The following PALM2AKAP2 variants were observed in gnomAD, a reference collection of about 807,000 sequenced individuals.
PALM2AKAP2 encodes PALM2-AKAP2 fusion protein.
Under a neutral mutation model 71.5 loss-of-function variants are expected in PALM2AKAP2, and 37 were observed. The observed-to-expected ratio is 0.52, with a 90% CI of 0.40 to 0.68. PALM2AKAP2 has a LOEUF of 0.68. Among genes scored for constraint, PALM2AKAP2 ranks in the 30% least tolerant of loss-of-function variants. The probability of loss-of-function intolerance (pLI) is 0.00; values close to 1 mark genes in which losing one functional copy is unlikely to be tolerated. For missense variants in PALM2AKAP2, 1,224 were observed against 1,191.8 expected, an observed-to-expected ratio of 1.03 and a Z score of -0.40; for synonymous variants, 468 against 478.8, an observed-to-expected ratio of 0.98 and a Z score of 0.29.
At chr9:109,654,507 A>G (rs1289369070) in intron 1 of PALM2AKAP2, among the ~76,000 whole-genome samples, 1 of 152,232 alleles carries the variant, frequency 6.6e-6, no homozygotes, top group Non-Finnish European at 1.5e-5. Context: ...GCTTGGTAAA[A>G]TGATGGCTCT....
chr9:109,642,983 C>T (rs1827093163), intron 1 of PALM2AKAP2, among the ~76,000 whole-genome samples: 1 of 151,108 alleles, frequency 6.6e-6, no homozygotes, highest in South Asian at 2.1e-4. Context: ...ATAATTGCAC[C>T]ACTGCACTGG....
chr9:109,734,452 C>A (rs1044810649), intron 1 of PALM2AKAP2, among the ~76,000 whole-genome samples: 1 of 152,148 alleles, frequency 6.6e-6, no homozygotes, highest in Non-Finnish European at 1.5e-5. Flanking sequence ...TATTAAAATT[C>A]AGTCCTTTAT....
At chr9:109,785,506 G>C (rs188383628) in intron 1 of PALM2AKAP2, among the ~76,000 whole-genome samples, 1 of 152,252 alleles carries the variant, frequency 6.6e-6, no homozygotes, top group African/African-American at 2.4e-5. Flanking sequence ...CCCGAGACTG[G>C]GTAATTTATA....
chr9:109,750,367 C>A (rs6477720), intron 1 of PALM2AKAP2, among the ~76,000 whole-genome samples: 129,853 of 152,156 alleles, frequency 0.85, 55,824 homozygotes, highest in African/African-American at 0.96. Context: ...TTATTGAAAA[C>A]AGATAAAATA....
chr9:110,100,550 G>A (rs1315809158), intron 1 of PALM2AKAP2, among the ~76,000 whole-genome samples: 3 of 152,110 alleles, frequency 2.0e-5, no homozygotes, highest in Non-Finnish European at 4.4e-5. Context: ...GAAATGGAAG[G>A]CTTAACGGCC....
rs149997490 is a variant in PALM2AKAP2 at position 109,782,178 on chromosome 9, G to A, written c.45+1645G>A. On this transcript the variant is annotated intron_variant, in intron 1 of 9. Coordinates refer to the PALM2AKAP2 transcript ENST00000302798. Reference sequence around the variant, plus strand: ...ACTGGGGTACCCTTTTCCAAGTGCGGTTGAGTAATCCCAGCAGAGGCCAAG... The same window carrying A: ...ACTGGGGTACCCTTTTCCAAGTGCGATTGAGTAATCCCAGCAGAGGCCAAG... Among the ~76,000 whole-genome samples, 90 of 152,326 alleles carry A rather than the reference G, an allele frequency of 5.9e-4. No individual in the cohort carries two copies. In the East Asian group the frequency reaches 0.016, roughly 27 times the overall value.
At chr9:109,866,376 G>C (rs1254555332) in intron 1 of PALM2AKAP2, among the ~76,000 whole-genome samples, 1 of 152,132 alleles carries the variant, frequency 6.6e-6, no homozygotes, top group Non-Finnish European at 1.5e-5. Flanking sequence ...AAATGCTCCA[G>C]TATAGTAAAT....
intron 1 of PALM2AKAP2, among the ~76,000 whole-genome samples, chr9:110,115,372 A>G (rs1835340684): frequency 6.6e-6 from 1 of 152,236 alleles, no homozygotes; most frequent in South Asian, 2.1e-4. Flanking sequence ...CTCTGGTACC[A>G]TGCTCAGAAT....
chr9:109,676,142 T>C (rs936700376), intron 1 of PALM2AKAP2, among the ~76,000 whole-genome samples: 2 of 152,198 alleles, frequency 1.3e-5, no homozygotes, highest in African/African-American at 4.8e-5. Flanking sequence ...AGAGAACAGC[T>C]TCACATTCCT....
At chr9:109,733,288 A>C (rs1828583139) in intron 1 of PALM2AKAP2, among the ~76,000 whole-genome samples, 7 of 152,194 alleles carry the variant, frequency 4.6e-5, no homozygotes. Context: ...GTGACAAAAG[A>C]ACATTTGTTA....
chr9:109,691,256 A>G (rs1201659317), intron 1 of PALM2AKAP2, among the ~76,000 whole-genome samples: 1 of 151,850 alleles, frequency 6.6e-6, no homozygotes, highest in African/African-American at 2.4e-5. Context: ...TGTCAGCACA[A>G]TAGCTGGGAT....
chr9:109,848,010 T>C (rs1421142923), intron 1 of PALM2AKAP2, among the ~76,000 whole-genome samples: 2 of 152,206 alleles, frequency 1.3e-5, no homozygotes, highest in Non-Finnish European at 2.9e-5. Context: ...CCCCCACCCA[T>C]TGGCTTATAA....
chr9:110,118,745 C>A (rs1835420529), intron 1 of PALM2AKAP2, among the ~76,000 whole-genome samples: 1 of 152,158 alleles, frequency 6.6e-6, no homozygotes, highest in South Asian at 2.1e-4. Context: ...AGAAGCTTAC[C>A]TACACCTGAT....
chr9:109,868,071 T>C (rs1829504280), intron 2 of PALM2AKAP2, among the ~76,000 whole-genome samples: 1 of 152,366 alleles, frequency 6.6e-6, no homozygotes, highest in African/African-American at 2.4e-5. Flanking sequence ...AGATTATTCA[T>C]TTATTTTATT....
chr9:109,923,425 TA>T (rs1830882506), intron 3 of PALM2AKAP2, among the ~76,000 whole-genome samples: 1 of 152,364 alleles, frequency 6.6e-6, no homozygotes, highest in Admixed American at 6.5e-5. Context: ...TATGTAAATA[TA>T]ATCTCCCTCC....
intron 6 of PALM2AKAP2, among the ~76,000 whole-genome samples, chr9:109,947,867 T>A (rs1223466169): frequency 6.6e-6 from 1 of 152,232 alleles, no homozygotes; most frequent in Non-Finnish European, 1.5e-5. Flanking sequence ...ACATAGGTGT[T>A]TCAGAAACTT....
At chr9:110,083,164 A>C (rs1011539823) in intron 1 of PALM2AKAP2, among the ~76,000 whole-genome samples, 1 of 152,062 alleles carries the variant, frequency 6.6e-6, no homozygotes, top group Non-Finnish European at 1.5e-5. Flanking sequence ...AAAACAAAAA[A>C]CAAAAACAAT....
intron 3 of PALM2AKAP2, among the ~76,000 whole-genome samples, chr9:109,906,605 A>G (rs542660283): frequency 3.5e-4 from 53 of 152,334 alleles, no homozygotes; most frequent in Non-Finnish European, 5.4e-4. Flanking sequence ...TATACTATAA[A>G]AATCAATAAA....
chr9:109,668,199 G>C (rs1827518997), intron 1 of PALM2AKAP2, among the ~76,000 whole-genome samples: 1 of 20,708 alleles, frequency 4.8e-5, no homozygotes, highest in South Asian at 7.0e-4. Flanking sequence ...GCCTCCCAAA[G>C]TGCTGGGATT....
Sources: allele counts gnomAD v4.1 joint callset (sites outside exome capture counted in the v4.1 genomes callset), GRCh38; gene constraint gnomAD v4.1.1; transcripts MANE v1.5; gene names NCBI Gene and HGNC (gene_info 2026-07-23, HGNC 2026-07-21).